Variants in NHSL3 observed in about 807,000 individuals in gnomAD.
NHSL3 encodes the protein NHS like 3.
the NHSL3 span, chr1:32,765,557 G>A: frequency 7.2e-7 from 1 of 1,393,358 alleles, no homozygotes; most frequent in Non-Finnish European, 9.6e-7. Flanking sequence ...CCCATTTAAG[G>A]GGTGGGGTCG....
At chr1:32,745,341 T>C in the NHSL3 span, among the ~76,000 whole-genome samples, 148,783 of 151,790 alleles carry the variant, frequency 0.98, 72,984 homozygotes, top group East Asian at 1. Context: ...GGGTGGGTCA[T>C]GAGGTCGCGA....
the NHSL3 span, among the ~76,000 whole-genome samples, chr1:32,766,790 A>T: frequency 3.3e-5 from 5 of 152,122 alleles, no homozygotes; most frequent in Non-Finnish European, 5.9e-5. Flanking sequence ...CTGGGGCTGC[A>T]AAGTGCTGAC....
At chr1:32,771,365 C>G in the NHSL3 span, 7 of 1,571,606 alleles carry the variant, frequency 4.5e-6, no homozygotes, top group Middle Eastern at 1.7e-4. Flanking sequence ...GACCAGTCAC[C>G]CCCACCTTCC....
At chr1:32,767,793 C>T in the NHSL3 span, 4 of 1,609,102 alleles carry the variant, frequency 2.5e-6, no homozygotes, top group Non-Finnish European at 2.5e-6. Flanking sequence ...CTAGGCTCTG[C>T]CAAGGCTGAG....
chr1:32,771,818 C>T, the NHSL3 span: 68 of 1,611,770 alleles, frequency 4.2e-5, no homozygotes, highest in Non-Finnish European at 5.3e-5. Flanking sequence ...CCCCTGGTCA[C>T]GCCCTCGCTC....
chr1:32,771,872 C>T, the NHSL3 span: 49 of 1,595,222 alleles, frequency 3.1e-5, no homozygotes, highest in Admixed American at 1.7e-4. Context: ...CCAGGAGGGG[C>T]TCCCACCCCA....
the NHSL3 span, chr1:32,771,798 C>T: frequency 1.4e-5 from 22 of 1,612,994 alleles, no homozygotes; most frequent in Admixed American, 1.0e-4. Flanking sequence ...CCAGGGAGGA[C>T]GTAGGTGCGC....
At chr1:32,768,037 A>G in the NHSL3 span, 1 of 1,613,676 alleles carries the variant, frequency 6.2e-7, no homozygotes, top group Non-Finnish European at 8.5e-7. Flanking sequence ...GGCCTAACCC[A>G]ACAGACCCTT....
chr1:32,759,940 T>C, the NHSL3 span, among the ~76,000 whole-genome samples: 1 of 152,234 alleles, frequency 6.6e-6, no homozygotes, highest in Non-Finnish European at 1.5e-5. Context: ...GAAGAGAAAG[T>C]GTTTTGAGAA....
the NHSL3 span, chr1:32,765,955 C>T: frequency 5.8e-6 from 5 of 855,270 alleles, no homozygotes; most frequent in South Asian, 7.8e-5. Context: ...ATAATGAGGC[C>T]AGAATCTCCC....
chr1:32,769,912 C>T, the NHSL3 span: 1 of 1,608,200 alleles, frequency 6.2e-7, no homozygotes. Context: ...ACCAGGCACG[C>T]CCCGGGCTCC....
chr1:32,746,016 G>T, the NHSL3 span, among the ~76,000 whole-genome samples: 2 of 151,844 alleles, frequency 1.3e-5, no homozygotes, highest in African/African-American at 4.8e-5. Context: ...GGATCACAAG[G>T]TCAGGAGATT....
At chr1:32,752,762 A>G in the NHSL3 span, among the ~76,000 whole-genome samples, 1 of 151,758 alleles carries the variant, frequency 6.6e-6, no homozygotes, top group Non-Finnish European at 1.5e-5. Flanking sequence ...TGTTTTTAGC[A>G]GAGATGAGGT....
the NHSL3 span, chr1:32,765,650 C>T: frequency 2.0e-6 from 3 of 1,532,456 alleles, no homozygotes; most frequent in Non-Finnish European, 2.6e-6. Flanking sequence ...AGCCGGTGCT[C>T]TGCGGCGGGG....
At chr1:32,765,356 C>A in the NHSL3 span, among the ~76,000 whole-genome samples, 2 of 150,546 alleles carry the variant, frequency 1.3e-5, no homozygotes, top group East Asian at 3.9e-4. Context: ...AGGTGGGCAC[C>A]CTGCCAAGTC....
At chr1:32,770,269 G>A in the NHSL3 span, 2 of 1,603,842 alleles carry the variant, frequency 1.2e-6, no homozygotes, top group African/African-American at 2.7e-5. The surrounding 1 kb of genome is among the most constrained non-coding windows in gnomAD (Gnocchi z 8.3). Context: ...GCCGCCTACA[G>A]TGGACGTGGT....
At chr1:32,753,222 C>T in the NHSL3 span, among the ~76,000 whole-genome samples, 1 of 151,940 alleles carries the variant, frequency 6.6e-6, no homozygotes, top group Non-Finnish European at 1.5e-5. Context: ...GTGTGGCTCA[C>T]GCCTGTAATC....
the NHSL3 span, among the ~76,000 whole-genome samples, chr1:32,758,337 A>T: frequency 6.6e-6 from 1 of 151,884 alleles, no homozygotes; most frequent in African/African-American, 2.4e-5. Flanking sequence ...TATTGTTCCC[A>T]TTGTGCACAT....
the NHSL3 span, among the ~76,000 whole-genome samples, chr1:32,747,289 G>A: frequency 2.0e-5 from 3 of 151,718 alleles, no homozygotes; most frequent in Non-Finnish European, 4.4e-5. Flanking sequence ...AGGTTCAAGC[G>A]ATTCTTCTGC....
Sources: gnomAD v4.1 joint callset for allele counts (sites outside exome capture counted in the v4.1 genomes callset) on GRCh38, gnomAD v4.1.1 for gene constraint, Gnocchi (gnomAD v3.1) non-coding constraint, MANE v1.5 for transcripts, NCBI Gene and HGNC (gene_info 2026-07-23, HGNC 2026-07-21) for gene names.